Variants in TCL1A observed in about 807,000 individuals in gnomAD.
The protein encoded by TCL1A is T-cell leukemia/lymphoma protein 1A.
Under a neutral mutation model 16.9 loss-of-function variants are expected in TCL1A, and 9 were observed. The ratio of observed to expected loss-of-function variants is 0.53; its 90% CI spans 0.32 to 0.93. The LOEUF (loss-of-function observed/expected upper bound fraction) is 0.93, where lower values mean the gene tolerates loss of function less well. Among genes scored for constraint, TCL1A ranks in the 40% least tolerant of loss-of-function variants. The pLI, the probability that TCL1A is intolerant of heterozygous loss-of-function variation, is 0.04. For missense variants in TCL1A, 139 were observed against 153.0 expected (o/e 0.91, Z 0.48); for synonymous variants, 69 against 63.2 (o/e 1.09, Z -0.44).
At chr14:95,713,882 A>C in intron 1 of TCL1A, 65 bp downstream of exon 1, 1 of 1,597,192 alleles carries the variant, frequency 6.3e-7, no homozygotes, top group Non-Finnish European at 8.5e-7. Context: ...CGCCCTTCCT[A>C]GGGCATCCCA....
rs141291616 is a variant in TCL1A at position 95,712,799 on chromosome 14, A to C, written c.121-403T>G. The C allele has an allele frequency of 1.0e-4, 72 of 696,300 alleles. 2 individuals carry two copies. In the Middle Eastern group the frequency reaches 3.9e-3, roughly 37 times the overall value. The allele number at this position is 696,300 out of a possible 1,614,324, so 43.1% of individuals were successfully genotyped here. Reference sequence around the variant, plus strand: ...TCTACAGGAAAAAAAAAAAACAACAAAGAAAGAAAGAGAGAAAAAGAATAC... The same window carrying C: ...TCTACAGGAAAAAAAAAAAACAACACAGAAAGAAAGAGAGAAAAAGAATAC... On this transcript the variant is annotated intron_variant, in intron 1 of 3. Transcript: ENST00000402399.
At chr14:95,711,726 G>T (rs779872846) in intron 3 of TCL1A, 23 bp downstream of exon 3, 6 of 1,612,198 alleles carry the variant, frequency 3.7e-6, no homozygotes, top group Middle Eastern at 3.3e-4. Flanking sequence ...GACTAAGAGG[G>T]GTCAGGCTCC....
At position 95,710,448 on chromosome 14, in the gene TCL1A, T is replaced by G. The variant is rs1886317945; in HGVS notation, c.*440A>C. 6.6e-6 allele frequency: 1 copy of G among 150,734 alleles called. No homozygotes were observed. Among genetic ancestry groups the G allele is most frequent in the Non-Finnish European group, 1.5e-5 (1 of 68,374 alleles). 9.3% of individuals were successfully genotyped at this position (150,734 alleles called of 1,614,324 possible). On this transcript the variant is annotated 3_prime_UTR_variant, in exon 4 of 4. Transcript: ENST00000402399. ...GTTTACATGCAGGCGTAGCACCATGTGAGACCACTGGTCCAGGGTTTCAGA... is the reference window on the plus strand; with the variant it reads ...GTTTACATGCAGGCGTAGCACCATGGGAGACCACTGGTCCAGGGTTTCAGA...
chr14:95,712,926 GTGGTTT>G (rs1409812087), intron 1 of TCL1A, among the ~76,000 whole-genome samples: 1 of 152,102 alleles, frequency 6.6e-6, no homozygotes, highest in African/African-American at 2.4e-5. Context: ...TGTCTGGTTC[GTGGTTT>G]TGGTGTCACG....
At chr14:95,712,459 C>A in intron 1 of TCL1A, 63 bp from the exon 2 acceptor site, 1 of 1,540,068 alleles carries the variant, frequency 6.5e-7, no homozygotes, top group Non-Finnish European at 8.7e-7. Context: ...TCTCCAGGCG[C>A]AGAAAACCGG....
chr14:95,711,295 TAAA>T (rs1163643091), intron 3 of TCL1A, among the ~76,000 whole-genome samples: 4 of 79,760 alleles, frequency 5.0e-5, no homozygotes, highest in Admixed American at 2.8e-4. Flanking sequence ...CCGTCTCTAC[TAAA>T]AAAAAAAAAA....
rs1595064832 is a variant in TCL1A at position 95,710,458 on chromosome 14, G to C, written c.*430C>G. ...AGGCGTAGCACCATGTGAGACCACT[G>C]GTCCAGGGTTTCAGAGGTCCTGCTC... On this transcript the variant is annotated 3_prime_UTR_variant, in exon 4 of 4. Transcript: ENST00000402399. 1 of 151,914 alleles carries C rather than the reference G, an allele frequency of 6.6e-6. No individual in the cohort carries two copies. The highest frequency in any genetic ancestry group is 1.9e-4 in the East Asian group (1 of 5,188). The allele number at this position is 151,914 out of a possible 1,614,324, so 9.4% of individuals were successfully genotyped here.
At chr14:95,713,442 C>T (rs1013792533) in intron 1 of TCL1A, among the ~76,000 whole-genome samples, 2 of 152,162 alleles carry the variant, frequency 1.3e-5, no homozygotes, top group African/African-American at 2.4e-5. Flanking sequence ...TCAATACCGG[C>T]GCTTATACTA....
intron 1 of TCL1A, among the ~76,000 whole-genome samples, chr14:95,713,371 A>G (rs187378757): frequency 1.3e-5 from 2 of 152,372 alleles, no homozygotes; most frequent in Non-Finnish European, 2.9e-5. Flanking sequence ...CTTTAACAAA[A>G]ACTTAACATG....
intron 3 of TCL1A, 50 bp downstream of exon 3, chr14:95,711,699 C>A (rs1229683652): frequency 6.3e-7 from 1 of 1,599,860 alleles, no homozygotes; most frequent in East Asian, 2.2e-5. Flanking sequence ...GTCTTTCTTT[C>A]TGATACAGCC....
At chr14:95,712,771 G>C (rs987842655) in intron 1 of TCL1A, 5 of 847,946 alleles carry the variant, frequency 5.9e-6, no homozygotes, top group East Asian at 6.0e-5. Context: ...GCGAGACCCT[G>C]TATCTACAGG....
chr14:95,712,615 G>T (rs753776606), intron 1 of TCL1A: 43 of 1,485,814 alleles, frequency 2.9e-5, no homozygotes, highest in Non-Finnish European at 3.7e-5. Flanking sequence ...GCACACACAC[G>T]TGTCTAGCCA....
rs897924299 is a variant in TCL1A at position 95,712,582 on chromosome 14, C to A, written c.121-186G>T. The A allele has an allele frequency of 7.4e-6, 11 of 1,482,664 alleles. No homozygotes were observed. In the African/African-American group the frequency reaches 1.5e-4, roughly 21 times the overall value. 91.8% of individuals were successfully genotyped at this position (1,482,664 alleles called of 1,614,324 possible). ...AGGCCATGCATGCTCCTCTCAGGGA[C>A]TCTGGCTGGGCCAGGACCACCAGCA... is the stretch of plus-strand genomic sequence containing the variant. On this transcript the variant is annotated intron_variant, in intron 1 of 3. Transcript: ENST00000402399.
intron 2 of TCL1A, 25 bp downstream of exon 2, chr14:95,712,195 G>C: frequency 6.2e-7 from 1 of 1,613,992 alleles, no homozygotes; most frequent in Non-Finnish European, 8.5e-7. Context: ...ATCACCCGAT[G>C]GACCTCTGGG....
At chr14:95,713,531 G>C (rs923393984) in intron 1 of TCL1A, among the ~76,000 whole-genome samples, 3 of 152,234 alleles carry the variant, frequency 2.0e-5, no homozygotes, top group African/African-American at 7.2e-5. Context: ...GCCAGTGTTT[G>C]CTATGCCTGG....
rs766723100 is a variant in TCL1A, at chr14:95,713,986, C to T, written c.81G>A (p.Leu27=). The T allele has an allele frequency of 6.2e-7, 1 of 1,614,122 alleles. No homozygotes were observed. Among genetic ancestry groups the T allele is most frequent in the African/African-American group, 1.3e-5 (1 of 75,064 alleles). ...RLWAWEKFVY[L]DEKQHAWLPL... Reference sequence around the variant, plus strand: ...GCAGCCAGGCGTGCTGCTTCTCGTCCAAATACACGAACTTCTCCCAGGCCC... The same window carrying T: ...GCAGCCAGGCGTGCTGCTTCTCGTCTAAATACACGAACTTCTCCCAGGCCC... The change falls in exon 1 of 4, where the codon TTG becomes TTA. Residue 27 remains leucine (L), a synonymous_variant. Transcript: ENST00000402399.
At chr14:95,712,693 G>T in intron 1 of TCL1A, 1 of 1,361,874 alleles carries the variant, frequency 7.3e-7, no homozygotes, top group Non-Finnish European at 9.6e-7. Context: ...TGTAATTCCA[G>T]TGCTTTGGAA....
chr14:95,713,471 T>G (rs2139722817), intron 1 of TCL1A, among the ~76,000 whole-genome samples: 1 of 152,294 alleles, frequency 6.6e-6, no homozygotes, highest in Middle Eastern at 3.4e-3. Flanking sequence ...CTTGTTAAAT[T>G]TGTTTTCTAA....
chr14:95,712,771 G>A lies in TCL1A; in HGVS notation c.121-375C>T, dbSNP rs987842655. ...AGCCTGGGTCACAGAGCGAGACCCT[G>A]TATCTACAGGAAAAAAAAAAAACAA... On this transcript the variant is annotated intron_variant, in intron 1 of 3. Coordinates refer to ENST00000402399, the MANE Select transcript of TCL1A (RefSeq NM_021966.3). The A allele has an allele frequency of 4.7e-6, 4 of 847,942 alleles. No homozygotes were observed. The African/African-American group carries it at 7.2e-5, about 15-fold the overall frequency. 52.5% of individuals were successfully genotyped at this position (847,942 alleles called of 1,614,324 possible).
Sources: gnomAD v4.1 joint callset for allele counts (sites outside exome capture counted in the v4.1 genomes callset) on GRCh38, gnomAD v4.1.1 for gene constraint, MANE v1.5 for transcripts, NCBI Gene and HGNC (gene_info 2026-07-23, HGNC 2026-07-21) for gene names.